The following PTGER3 variants were observed in gnomAD, a reference collection of about 807,000 sequenced individuals.
PTGER3 encodes prostaglandin E2 receptor EP3 subtype.
In PTGER3, 22 loss-of-function variants were observed where a neutral mutation model predicts 34.7. The observed-to-expected ratio is 0.63, with a 90% CI of 0.45 to 0.91. The LOEUF (loss-of-function observed/expected upper bound fraction) is 0.91. Among genes scored for constraint, PTGER3 ranks in the 40% least tolerant of loss-of-function variants. PTGER3 has a pLI of 0.00. For missense variants in PTGER3, 468 were observed against 519.4 expected, an observed-to-expected ratio of 0.90 and a Z score of 0.96; for synonymous variants, 241 against 230.1, an observed-to-expected ratio of 1.05 and a Z score of -0.43.
At chr1:71,027,518 C>A (rs1250370096) in intron 1 of PTGER3, among the ~76,000 whole-genome samples, 1 of 152,182 alleles carries the variant, frequency 6.6e-6, no homozygotes, top group Non-Finnish European at 1.5e-5. Context: ...GCAAATAGAT[C>A]TATTGAGACT....
chr1:71,007,056 G>T (rs575486251), intron 2 of PTGER3: 1 of 984,854 alleles, frequency 1.0e-6, no homozygotes, highest in Admixed American at 6.2e-5. Flanking sequence ...ATACACTGAC[G>T]ATAACTACCC....
intron 1 of PTGER3, among the ~76,000 whole-genome samples, chr1:71,038,736 T>C (rs1660035030): frequency 6.6e-6 from 1 of 152,226 alleles, no homozygotes; most frequent in Non-Finnish European, 1.5e-5. Flanking sequence ...TGTCAGGACC[T>C]GGTCAAACTG....
At chr1:70,996,209 G>T (rs1001165282) in intron 2 of PTGER3, among the ~76,000 whole-genome samples, 18 of 151,964 alleles carry the variant, frequency 1.2e-4, no homozygotes, top group Non-Finnish European at 1.2e-4. Context: ...TGAGTGTCTG[G>T]TTTTTTGTGC....
intron 4 of PTGER3, among the ~76,000 whole-genome samples, chr1:70,870,900 C>T (rs1038327397): frequency 2.0e-5 from 3 of 152,238 alleles, no homozygotes; most frequent in South Asian, 4.1e-4. Context: ...TAAAAATTTG[C>T]GAAGTTTACC....
chr1:70,979,552 T>C lies in PTGER3; in HGVS notation c.1078-5164A>G, dbSNP rs139687567. Reference sequence around the variant, plus strand: ...TTGCTGGTCTTTTGGGTGTGAGCCATCATTTCTAGTCCGGGGCCTGCTATA... The same window carrying C: ...TTGCTGGTCTTTTGGGTGTGAGCCACCATTTCTAGTCCGGGGCCTGCTATA... On this transcript the variant is annotated intron_variant, in intron 2 of 3. Coordinates refer to ENST00000306666, the MANE Select transcript of PTGER3 (RefSeq NM_198719.2). Among the ~76,000 whole-genome samples the C allele has an allele frequency of 4.8e-4, 73 of 152,234 alleles. No individual in the cohort carries two copies. The East Asian group carries it at 7.0e-3, about 15-fold the overall frequency.
At chr1:70,907,669 G>A (rs1013355285) in intron 4 of PTGER3, among the ~76,000 whole-genome samples, 1 of 152,174 alleles carries the variant, frequency 6.6e-6, no homozygotes, top group Admixed American at 6.5e-5. Flanking sequence ...ATGTCCGGGG[G>A]AGCAACTAAA....
intron 2 of PTGER3, chr1:71,007,452 C>G: frequency 1.0e-6 from 1 of 985,282 alleles, no homozygotes; most frequent in Non-Finnish European, 1.2e-6. Flanking sequence ...CAGACAAGAC[C>G]CCTGGCCACT....
intron 1 of PTGER3, among the ~76,000 whole-genome samples, chr1:71,027,919 C>A (rs1268350731): frequency 6.6e-6 from 1 of 152,136 alleles, no homozygotes; most frequent in Non-Finnish European, 1.5e-5. Flanking sequence ...AATCACATTT[C>A]AAGAGGCAAA....
At chr1:70,995,414 A>T (rs1469462758) in intron 2 of PTGER3, among the ~76,000 whole-genome samples, 4 of 152,148 alleles carry the variant, frequency 2.6e-5, no homozygotes, top group Non-Finnish European at 4.4e-5. Context: ...TCTGCTCTTG[A>T]AATAGATAGT....
intron 2 of PTGER3, among the ~76,000 whole-genome samples, chr1:70,979,564 C>T (rs549860132): frequency 2.6e-5 from 4 of 152,128 alleles, no homozygotes; most frequent in African/African-American, 4.8e-5. Context: ...ATTTCTAGTC[C>T]GGGGCCTGCT....
intron 4 of PTGER3, among the ~76,000 whole-genome samples, chr1:70,911,818 G>A (rs1415583922): frequency 6.6e-6 from 1 of 152,080 alleles, no homozygotes; most frequent in African/African-American, 2.4e-5. Context: ...TGAACAAAAT[G>A]CCCCAGATGA....
chr1:71,046,581 T>C, intron 1 of PTGER3, 100 bp downstream of exon 1: 1 of 1,395,796 alleles, frequency 7.2e-7, no homozygotes, highest in Non-Finnish European at 9.5e-7. Flanking sequence ...CGCTCTGCGG[T>C]TGCAAACACA....
chr1:70,887,605 A>T (rs917631762), intron 4 of PTGER3, among the ~76,000 whole-genome samples: 10 of 148,748 alleles, frequency 6.7e-5, no homozygotes, highest in Non-Finnish European at 1.3e-4. Flanking sequence ...AGATTTGTTT[A>T]TTGCTCCTAT....
In PTGER3 at chr1:71,047,115, G is replaced by A; in HGVS notation, c.463C>T (p.Arg155Trp). The A allele has an allele frequency of 6.2e-7, 1 of 1,603,610 alleles. No individual in the cohort carries two copies. Among genetic ancestry groups the A allele is most frequent in the East Asian group, 2.3e-5 (1 of 44,330 alleles). The change falls in exon 1 of 4, where the codon CGG (arginine) becomes TGG (tryptophan). Residue 155 changes from arginine (R) to tryptophan (W), a missense_variant. Physicochemically the swap from Arg to Trp is moderately radical, Grantham distance 101. This residue lies in a region of PTGER3 where 53 missense variants were observed against 93.9 expected (regional missense o/e 0.56). Transcript: ENST00000306666. ...TGCGGCGCCCTGATGGCCAGCGCCC[G>A]CTCGACGGCCATGGCGCTGGCGATG... ...LFIASAMAVE[R>W]ALAIRAPHWY...
chr1:71,012,168 G>T (rs756736765), intron 2 of PTGER3, 137 bp downstream of exon 2: 1 of 1,571,744 alleles, frequency 6.4e-7, no homozygotes, highest in African/African-American at 1.4e-5. Context: ...AAGGTTTAGC[G>T]ATATTTGTTA....
chr1:70,885,954 A>G (rs899707831), intron 4 of PTGER3, among the ~76,000 whole-genome samples: 1 of 152,164 alleles, frequency 6.6e-6, no homozygotes, highest in African/African-American at 2.4e-5. Context: ...TGCTTCAGGA[A>G]TGACCCTAAG....
intron 4 of PTGER3, among the ~76,000 whole-genome samples, chr1:70,932,776 A>T (rs1557665468): frequency 6.6e-6 from 1 of 151,880 alleles, no homozygotes; most frequent in East Asian, 1.9e-4. Flanking sequence ...AAACTATATC[A>T]CCTCCCTCTT....
chr1:70,965,461 G>C (rs1289184796), intron 2 of PTGER3, among the ~76,000 whole-genome samples: 1 of 152,126 alleles, frequency 6.6e-6, no homozygotes, highest in African/African-American at 2.4e-5. Flanking sequence ...AATACTTGTA[G>C]AACTAATGTA....
chr1:71,014,706 C>G (rs1657739403), intron 1 of PTGER3, among the ~76,000 whole-genome samples: 1 of 152,216 alleles, frequency 6.6e-6, no homozygotes, highest in African/African-American at 2.4e-5. Context: ...TCACCAGAAA[C>G]TGAATCTGGG....
Sources: gnomAD v4.1 joint callset for allele counts (sites outside exome capture counted in the v4.1 genomes callset) on GRCh38, gnomAD v4.1.1 for gene constraint, gnomAD v4.1.1 regional missense constraint, MANE v1.5 for transcripts, NCBI Gene and HGNC (gene_info 2026-07-23, HGNC 2026-07-21) for gene names.